The following DIS3 variants were observed in gnomAD, a reference collection of about 807,000 sequenced individuals.
DIS3 encodes DIS3 exosome endoribonuclease and 3'-5' exoribonuclease, also known as exosome complex exonuclease RRP44.
DIS3 carries 103 observed loss-of-function variants against 113.0 expected under a neutral mutation model. That is an observed-to-expected ratio of 0.91 (90% CI 0.78 to 1.07). The LOEUF (loss-of-function observed/expected upper bound fraction) is 1.07. Ranked by LOEUF, DIS3 falls within the 50% of genes least tolerant of loss-of-function variation. DIS3 has a pLI of 0.00. For synonymous variants in DIS3, 402 were observed against 394.3 expected (o/e 1.02, Z -0.23); for missense variants, 1,121 against 1,167.1 (o/e 0.96, Z 0.58).
intron 8 of DIS3, 28 bp from the exon 9 acceptor site, chr13:72,772,867 G>T (rs775613334): frequency 1.3e-6 from 2 of 1,555,310 alleles, no homozygotes; most frequent in South Asian, 1.2e-5. Context: ...TATTAGAAAC[G>T]CCTATTTTAT....
intron 14 of DIS3, among the ~76,000 whole-genome samples, chr13:72,768,219 CA>C (rs1458017566): frequency 6.6e-6 from 1 of 152,120 alleles, no homozygotes; most frequent in African/African-American, 2.4e-5. Flanking sequence ...AAACAATTTC[CA>C]GAAATCTTAG....
At position 72,781,764 on chromosome 13, in the gene DIS3, G is replaced by A; in HGVS notation, c.69C>T (p.His23=). 6.2e-7 allele frequency: 1 copy of A among 1,603,820 alleles called. No individual in the cohort carries two copies. Among genetic ancestry groups the A allele is most frequent in the Non-Finnish European group, 8.5e-7 (1 of 1,175,550 alleles). The change falls in exon 1 of 21, where the codon CAC becomes CAT. Residue 23 remains histidine (H), a synonymous_variant. Coordinates refer to ENST00000377767, the MANE Select transcript of DIS3 (RefSeq NM_014953.5). ...AGGVMKIVRE[H]YLRDDIGCGA... ...CGCAGCCGATGTCGTCTCGCAGGTA[G>A]TGCTCGCGCACGATCTTCATCACGC...
At chr13:72,771,167 C>A in intron 11 of DIS3, 22 bp from the exon 12 acceptor site, 1 of 1,595,080 alleles carries the variant, frequency 6.3e-7, no homozygotes. Flanking sequence ...AAAAATAGAA[C>A]CACAGATTAC....
At chr13:72,778,052 T>C in intron 3 of DIS3, 135 bp downstream of exon 3, 1 of 854,750 alleles carries the variant, frequency 1.2e-6, no homozygotes, top group Non-Finnish European at 1.7e-6. Flanking sequence ...AATTTAAAAA[T>C]ACAAAAATAT....
intron 4 of DIS3, 88 bp downstream of exon 4, chr13:72,777,332 C>G (rs2034039655): frequency 5.3e-6 from 7 of 1,326,632 alleles, no homozygotes; most frequent in Non-Finnish European, 1.1e-6. Context: ...ACCGACATTC[C>G]AATTTTTAAA....
At chr13:72,761,567 A>T in intron 18 of DIS3, 46 bp from the exon 19 acceptor site, 1 of 1,522,190 alleles carries the variant, frequency 6.6e-7, no homozygotes, top group Non-Finnish European at 8.8e-7. Flanking sequence ...AAAAATTTTT[A>T]AATAAACAAA....
At position 72,765,989 on chromosome 13, in the gene DIS3, C is replaced by A. The variant is rs750833846; in HGVS notation, c.1953G>T (p.Leu651=). ...TTACAAACCTAAGTTCCTTGGTCTGCAGATCTATAGGATCGTGAGTTTCAC... is the reference window on the plus strand; with the variant it reads ...TTACAAACCTAAGTTCCTTGGTCTGAAGATCTATAGGATCGTGAGTTTCAC... The part of the protein sequence containing the change: ...MDSETHDPID[L]QTKELRETNS... The change falls in exon 15 of 21, where the codon CTG becomes CTT. Residue 651 remains leucine, a synonymous_variant. Transcript: ENST00000377767. 1.9e-5 allele frequency: 30 copies of A among 1,608,172 alleles called. No individual in the cohort carries two copies. The South Asian group carries it at 3.2e-4, about 17-fold the overall frequency.
At chr13:72,778,816 TAC>T (rs1353688695) in intron 2 of DIS3, among the ~76,000 whole-genome samples, 2 of 152,324 alleles carry the variant, frequency 1.3e-5, no homozygotes, top group Admixed American at 6.5e-5. Flanking sequence ...ATCAGAATTC[TAC>T]AGTCATTAAT....
intron 3 of DIS3, 89 bp downstream of exon 3, chr13:72,778,098 T>C (rs967856950): frequency 2.6e-6 from 3 of 1,151,240 alleles, no homozygotes; most frequent in Non-Finnish European, 3.5e-6. Context: ...AAATACTAAA[T>C]AGTAAAGTGA....
rs1251225447 is a variant in DIS3 at position 72,757,013 on chromosome 13, A to C, written c.*2782T>G. ...ATATATTCCACGTAACCTGCTTAGC[A>C]TAAGAACTGGCACTAGAAACAGAAC... On this transcript the variant is annotated 3_prime_UTR_variant, in exon 21 of 21. Coordinates refer to ENST00000377767, the MANE Select transcript of DIS3 (RefSeq NM_014953.5). 1.3e-5 allele frequency: 2 copies of C among 152,234 alleles called. No homozygotes were observed. The allele number at this position is 152,234 out of a possible 1,614,324, so 9.4% of individuals were successfully genotyped here.
At position 72,759,801 on chromosome 13, in the gene DIS3, T is replaced by C. The variant is rs140685040; in HGVS notation, c.2871A>G (p.Gly957=). The change falls in exon 21 of 21, where the codon GGA becomes GGG. Residue 957 remains glycine (G), a synonymous_variant. Transcript: ENST00000377767. ...NGPKKKKMKL[G]K ...AGATTTTTGTTGAATATAGCTATTTTCCAAGCTTCATCTTCTTTTTCTTTG... is the reference window on the plus strand; with the variant it reads ...AGATTTTTGTTGAATATAGCTATTTCCCAAGCTTCATCTTCTTTTTCTTTG... 1.9e-4 allele frequency: 314 copies of C among 1,611,922 alleles called. 4 individuals are homozygous for C. The East Asian group carries it at 6.9e-3, about 36-fold the overall frequency.
chr13:72,755,420 A>G lies in DIS3; in HGVS notation c.*4375T>C. 1 of 521,656 alleles carries G rather than the reference A, an allele frequency of 1.9e-6. No individual in the cohort carries two copies. The highest frequency in any genetic ancestry group is 3.4e-6 in the Non-Finnish European group (1 of 295,822). 32.3% of individuals were successfully genotyped at this position (521,656 alleles called of 1,614,324 possible). On this transcript the variant is annotated 3_prime_UTR_variant, in exon 21 of 21. Coordinates refer to ENST00000377767, the MANE Select transcript of DIS3 (RefSeq NM_014953.5). ...CTTCAAGTTGCTGAATTATAAGTTT[A>G]TTTTTTATCAATAAATATTTTTATA... is the stretch of plus-strand genomic sequence containing the variant.
intron 1 of DIS3, chr13:72,781,299 G>C (rs1226309923): frequency 6.4e-7 from 1 of 1,551,296 alleles, no homozygotes; most frequent in Non-Finnish European, 8.7e-7. Flanking sequence ...AAGCTGCCTG[G>C]GAGTCGCAGG....
Position 72,753,675 on chromosome 13 carries a change from T to C in DIS3, c.*6120A>G. On this transcript the variant is annotated 3_prime_UTR_variant, in exon 21 of 21. Transcript: ENST00000377767. ...AGTTCCTCACAATATATTTTTTTCT[T>C]TTTTCTCCTGTCAGATGGATAGTGG... The C allele has an allele frequency of 6.2e-7, 1 of 1,600,522 alleles. No individual in the cohort carries two copies. The highest frequency in any genetic ancestry group is 8.5e-7 in the Non-Finnish European group (1 of 1,175,052).
chr13:72,781,482 G>A (rs1375531415), intron 1 of DIS3, 123 bp downstream of exon 1: 28 of 1,432,942 alleles, frequency 2.0e-5, no homozygotes, highest in Non-Finnish European at 2.4e-5. Context: ...CGGTCCCGAG[G>A]GGGTTTCCCT....
chr13:72,776,904 C>T (rs2034030022), intron 4 of DIS3, among the ~76,000 whole-genome samples: 1 of 152,164 alleles, frequency 6.6e-6, no homozygotes, highest in Non-Finnish European at 1.5e-5. Context: ...TCTCCTGCTC[C>T]ACCAATCCAC....
At chr13:72,763,052 C>G (rs926576917) in intron 16 of DIS3, among the ~76,000 whole-genome samples, 6 of 152,050 alleles carry the variant, frequency 3.9e-5, no homozygotes, top group African/African-American at 1.4e-4. Context: ...CAGCACAGCA[C>G]TTTGGGAGGC....
At chr13:72,780,468 A>G (rs925636907) in intron 2 of DIS3, among the ~76,000 whole-genome samples, 1 of 152,148 alleles carries the variant, frequency 6.6e-6, no homozygotes, top group African/African-American at 2.4e-5. Context: ...GAAACTTCAC[A>G]AACTCATATA....
At chr13:72,772,657 A>G in intron 9 of DIS3, 36 bp downstream of exon 9, 1 of 1,573,404 alleles carries the variant, frequency 6.4e-7, no homozygotes, top group Non-Finnish European at 8.6e-7. Flanking sequence ...AGGATATAAT[A>G]ATTTATAAAG....
Sources: gnomAD v4.1 joint callset for allele counts (sites outside exome capture counted in the v4.1 genomes callset) on GRCh38, gnomAD v4.1.1 for gene constraint, MANE v1.5 for transcripts, NCBI Gene and HGNC (gene_info 2026-07-23, HGNC 2026-07-21) for gene names.